Variants in DAB1 observed in about 807,000 individuals in gnomAD.
DAB1 encodes the protein disabled homolog 1.
A neutral mutation model predicts 64.6 loss-of-function variants in DAB1; 15 were observed. That is an observed-to-expected ratio of 0.23 (90% CI 0.16 to 0.36). The LOEUF (loss-of-function observed/expected upper bound fraction) is 0.36, where lower values mean the gene tolerates loss of function less well. Among genes scored for constraint, DAB1 ranks in the 10% least tolerant of loss-of-function variants. DAB1 has a pLI of 1.00. For synonymous variants in DAB1, 235 were observed against 251.9 expected, an observed-to-expected ratio of 0.93 and a Z score of 0.64; for missense variants, 596 against 706.7, an observed-to-expected ratio of 0.84 and a Z score of 1.78.
At chr1:57,276,785 T>G (rs1417072240) in intron 2 of DAB1, among the ~76,000 whole-genome samples, 4 of 152,232 alleles carry the variant, frequency 2.6e-5, no homozygotes, top group Non-Finnish European at 5.9e-5. Flanking sequence ...GGATAGTTGG[T>G]TGTCTCTGCT....
At chr1:57,867,962 C>G (rs763195315) in intron 1 of DAB1, among the ~76,000 whole-genome samples, 1 of 152,134 alleles carries the variant, frequency 6.6e-6, no homozygotes, top group Non-Finnish European at 1.5e-5. Context: ...AGTGGACTTG[C>G]ATTTTCAAAT....
chr1:58,430,760 A>G lies in DAB1; in HGVS notation n.257+75300T>C, dbSNP rs922248786. 7.9e-5 allele frequency among the ~76,000 whole-genome samples: 12 copies of G among 152,316 alleles called. No individual in the cohort carries two copies. In the East Asian group the frequency reaches 2.3e-3, roughly 29 times the overall value. On this transcript the variant is annotated intron_variant and non_coding_transcript_variant, in intron 3 of 20. Transcript: ENST00000485760. ...TGTAGCAGAAAGCTTAAAGTGACAA[A>G]CCTTGCTTTTCCTAAATAAATCACT...
intron 4 of DAB1, among the ~76,000 whole-genome samples, chr1:58,191,955 C>T (rs1332079354): frequency 6.6e-6 from 1 of 152,208 alleles, no homozygotes; most frequent in Admixed American, 6.5e-5. Context: ...AAAGTATTTT[C>T]ATGTCTAACA....
rs532226456 is a variant in DAB1 at position 57,377,606 on chromosome 1, G to A, written c.-137+46324C>T. Among the ~76,000 whole-genome samples the A allele has an allele frequency of 1.1e-4, 16 of 151,914 alleles. No homozygotes were observed. The South Asian group carries it at 3.3e-3, about 32-fold the overall frequency. On this transcript the variant is annotated intron_variant, in intron 1 of 14. Transcript: ENST00000371236. ...GAACTACAAATTAGGCAATGCAGAG[G>A]ACTTTTTCCAGTTAAGTCCTCCCTC...
chr1:57,338,234 C>G (rs545015978), intron 1 of DAB1, among the ~76,000 whole-genome samples: 2 of 152,206 alleles, frequency 1.3e-5, no homozygotes, highest in South Asian at 2.1e-4. Flanking sequence ...ATCTGCCCAC[C>G]TCACCCACCC....
chr1:57,309,527 A>G lies in DAB1; in HGVS notation c.-136-18361T>C, dbSNP rs540392096. Reference sequence around the variant, plus strand: ...CCTTTGTACATAACATAATTTACCAAAACTCAGGTAACATAACTTACCAAA... The same window carrying G: ...CCTTTGTACATAACATAATTTACCAGAACTCAGGTAACATAACTTACCAAA... On this transcript the variant is annotated intron_variant, in intron 1 of 14. Transcript: ENST00000371236. Among the ~76,000 whole-genome samples, 16 of 152,286 alleles carry G rather than the reference A, an allele frequency of 1.1e-4. No individual in the cohort carries two copies. In the South Asian group the frequency reaches 1.5e-3, roughly 14 times the overall value.
intron 5 of DAB1, among the ~76,000 whole-genome samples, chr1:57,956,979 G>A (rs183017969): frequency 3.3e-4 from 50 of 152,232 alleles, no homozygotes; most frequent in Middle Eastern, 6.8e-3. Flanking sequence ...CTTGCTCATA[G>A]GCCATGTAAA....
chr1:57,657,621 G>A (rs1180531406), intron 6 of DAB1, among the ~76,000 whole-genome samples: 1 of 152,186 alleles, frequency 6.6e-6, no homozygotes. Context: ...TAGTAGACAA[G>A]TGGAGGCATC....
intron 1 of DAB1, among the ~76,000 whole-genome samples, chr1:57,314,929 T>C (rs6701397): frequency 0.019 from 2,826 of 152,278 alleles, 96 homozygotes; most frequent in African/African-American, 0.063. Flanking sequence ...CCCTGATCCA[T>C]TGAGATATCA....
chr1:58,455,572 G>A (rs1304026440), intron 3 of DAB1, among the ~76,000 whole-genome samples: 1 of 152,238 alleles, frequency 6.6e-6, no homozygotes, highest in Non-Finnish European at 1.5e-5. Context: ...GAACTTCAGA[G>A]GTCTTTGGGA....
chr1:57,318,087 C>G (rs981780303), intron 1 of DAB1, among the ~76,000 whole-genome samples: 3 of 135,952 alleles, frequency 2.2e-5, no homozygotes, highest in African/African-American at 5.5e-5. Flanking sequence ...GAGCCATCTA[C>G]AAATCGCACA....
chr1:57,105,389 G>GTGTGTGTGTC (rs200231420), intron 4 of DAB1, among the ~76,000 whole-genome samples: 4,325 of 152,106 alleles, frequency 0.028, 84 homozygotes, highest in Non-Finnish European at 0.042. Context: ...TGTGTGGTGT[G>GTGTGTGTGTC]TGTGTGTGTC....
chr1:57,426,875 T>TATATATATATATATATATA (rs1553180831), upstream of DAB1, among the ~76,000 whole-genome samples: 15 of 129,908 alleles, frequency 1.2e-4, no homozygotes, highest in Non-Finnish European at 2.1e-4. Context: ...TATATATATA[T>TATATATATATATATATATA]TTTTTTGAGA....
At chr1:58,526,091 TAAAC>T (rs1490583221) in intron 2 of DAB1, among the ~76,000 whole-genome samples, 2 of 152,060 alleles carry the variant, frequency 1.3e-5, no homozygotes, top group Non-Finnish European at 2.9e-5. Context: ...CTTACTGAGA[TAAAC>T]AAAGATTTCC....
At chr1:57,999,219 G>T (rs928577681) in intron 5 of DAB1, among the ~76,000 whole-genome samples, 12 of 152,292 alleles carry the variant, frequency 7.9e-5, no homozygotes, top group African/African-American at 2.9e-4. Flanking sequence ...ATAACCTGTA[G>T]AACAAGCCAG....
chr1:57,965,957 T>G (rs568335302), intron 5 of DAB1, among the ~76,000 whole-genome samples: 1 of 152,268 alleles, frequency 6.6e-6, no homozygotes, highest in South Asian at 2.1e-4. Context: ...AGAGGAAATC[T>G]GATAAATTCT....
At chr1:58,461,380 T>C (rs1024091053) in intron 3 of DAB1, among the ~76,000 whole-genome samples, 1 of 152,160 alleles carries the variant, frequency 6.6e-6, no homozygotes, top group South Asian at 2.1e-4. Flanking sequence ...TTTAATGTGA[T>C]TGAAACTTGC....
chr1:57,874,630 C>T lies in DAB1; in HGVS notation n.87+9369G>A, dbSNP rs538712837. Reference sequence around the variant, plus strand: ...CAGCCATAAATCAGCCAGGCCACTGCAGCCATTGAGTCAAGTTCAGGGGAG... The same window carrying T: ...CAGCCATAAATCAGCCAGGCCACTGTAGCCATTGAGTCAAGTTCAGGGGAG... On this transcript the variant is annotated intron_variant and non_coding_transcript_variant, in intron 1 of 1. Transcript: ENST00000477280. 3.9e-5 allele frequency among the ~76,000 whole-genome samples: 6 copies of T among 152,288 alleles called. No homozygotes were observed. In the East Asian group the frequency reaches 7.8e-4, roughly 20 times the overall value.
chr1:58,533,956 ATG>A, intron 1 of DAB1: 1 of 872,260 alleles, frequency 1.1e-6, no homozygotes, highest in Non-Finnish European at 2.0e-6. Context: ...TACTTACAGC[ATG>A]CCCAAGTACT....
Sources: allele counts gnomAD v4.1 joint callset (sites outside exome capture counted in the v4.1 genomes callset), GRCh38; gene constraint gnomAD v4.1.1; transcripts MANE v1.5; gene names NCBI Gene and HGNC (gene_info 2026-07-23, HGNC 2026-07-21).